FYB1: variants seen among roughly 807,000 people sequenced by gnomAD.
The protein encoded by FYB1 is FYN binding protein 1, also known as FYN-binding protein 1.
FYB1 carries 41 observed loss-of-function variants against 94.1 expected under a neutral mutation model. The observed-to-expected ratio is 0.44, with a 90% CI of 0.34 to 0.57. The LOEUF is 0.57. Ranked by LOEUF, FYB1 falls within the 20% of genes least tolerant of loss-of-function variation. The pLI is 0.02. For missense variants in FYB1, 1,050 were observed against 976.8 expected, an observed-to-expected ratio of 1.07 and a Z score of -1.00; for synonymous variants, 367 against 353.2, an observed-to-expected ratio of 1.04 and a Z score of -0.44.
At chr5:39,263,503 A>C (rs1442591393) in intron 1 of FYB1, among the ~76,000 whole-genome samples, 3 of 151,972 alleles carry the variant, frequency 2.0e-5, no homozygotes, top group Admixed American at 1.3e-4. Context: ...TTAGCCTATC[A>C]CTCAGGACTA....
chr5:39,246,624 G>C (rs1287419826), intron 1 of FYB1, among the ~76,000 whole-genome samples: 1 of 152,170 alleles, frequency 6.6e-6, no homozygotes, highest in Non-Finnish European at 1.5e-5. Flanking sequence ...AGTTCTGAGA[G>C]TTGAAAGTGA....
intron 14 of FYB1, among the ~76,000 whole-genome samples, chr5:39,121,755 T>G (rs1740129456): frequency 6.6e-6 from 1 of 152,158 alleles, no homozygotes; most frequent in South Asian, 2.1e-4. Context: ...TTATACAATT[T>G]TAGCCTAAAA....
At chr5:39,138,961 C>G (rs1289430046) in intron 5 of FYB1, 1 of 542,010 alleles carries the variant, frequency 1.8e-6, no homozygotes, top group Admixed American at 3.5e-5. Flanking sequence ...ACTGGGAAAG[C>G]AAAAACAAAA....
upstream of FYB1, among the ~76,000 whole-genome samples, chr5:39,224,386 C>T (rs757095987): frequency 6.2e-4 from 95 of 152,254 alleles, no homozygotes; most frequent in Admixed American, 2.6e-3. Flanking sequence ...TCTGCTTGCT[C>T]ACCCAGGGAG....
chr5:39,164,146 A>G (rs1744507006), intron 2 of FYB1, among the ~76,000 whole-genome samples: 1 of 151,132 alleles, frequency 6.6e-6, no homozygotes. Context: ...GGAGAAATAA[A>G]GCATGTGCTC....
chr5:39,157,537 A>G (rs1743864437), intron 2 of FYB1, among the ~76,000 whole-genome samples: 1 of 152,234 alleles, frequency 6.6e-6, no homozygotes, highest in Admixed American at 6.5e-5. Flanking sequence ...GTTGGAAAAA[A>G]AAGCTCTCAA....
Position 39,202,387 on chromosome 5 carries a change from G to A in FYB1, c.574C>T (p.Leu192Phe), listed in dbSNP as rs1748427297. Residue 192 changes from leucine (L) to phenylalanine (F), a missense_variant, in exon 2 of 19, where the codon CTC (leucine) becomes TTC (phenylalanine). Physicochemically the swap from Leu to Phe is conservative, Grantham distance 22. Coordinates refer to ENST00000512982, the MANE Select transcript of FYB1 (RefSeq NM_001465.6). ...SASQDLEPKP[L>F]FPKPAFGQKP... The stretch of plus-strand genomic sequence containing the variant: ...TGGCCAAAGGCGGGTTTGGGGAAGA[G>A]GGGCTTGGGTTCAAGATCTTGTGAT... The A allele has an allele frequency of 1.9e-6, 3 of 1,613,982 alleles. No homozygotes were observed. The highest frequency in any genetic ancestry group is 2.5e-6 in the Non-Finnish European group (3 of 1,179,896).
chr5:39,273,205 GA>G (rs1183690724), intron 1 of FYB1, among the ~76,000 whole-genome samples: 3 of 152,348 alleles, frequency 2.0e-5, no homozygotes, highest in African/African-American at 7.2e-5. Context: ...TAGAAAAGGG[GA>G]AAAGGTGGGG....
chr5:39,124,373 G>A, intron 12 of FYB1, 95 bp from the exon 13 acceptor site: 2 of 687,506 alleles, frequency 2.9e-6, no homozygotes, highest in Non-Finnish European at 2.3e-6. Flanking sequence ...CAATAGCCTA[G>A]AGGCATATTG....
In FYB1 at chr5:39,105,857, C is replaced by G. The variant is rs3805575; in HGVS notation, c.*1586G>C. ...TCTTTGGAGATTAGTGGCATCTAAT[C>G]TTGGGGCCTCAGACACCCAAAATCT... is the stretch of plus-strand genomic sequence containing the variant. On this transcript the variant is annotated 3_prime_UTR_variant, in exon 19 of 19. Transcript: ENST00000512982. The G allele has an allele frequency of 6.6e-6, 1 of 152,080 alleles. No individual in the cohort carries two copies. Among genetic ancestry groups the G allele is most frequent in the Non-Finnish European group, 1.5e-5 (1 of 68,004 alleles). The allele number at this position is 152,080 out of a possible 1,614,324, so 9.4% of individuals were successfully genotyped here. A position where few individuals can be genotyped will look rare whatever the true frequency, so the allele number is the denominator to read the frequency against.
At position 39,110,398 on chromosome 5, in the gene FYB1, G is replaced by T. The variant is rs755218321; in HGVS notation, c.2402-9C>A. 1 of 1,578,628 alleles carries T rather than the reference G, an allele frequency of 6.3e-7. No individual in the cohort carries two copies. Among genetic ancestry groups the T allele is most frequent in the Non-Finnish European group, 8.6e-7 (1 of 1,156,376 alleles). On this transcript the variant is annotated splice_polypyrimidine_tract_variant and intron_variant, in intron 16 of 18. Coordinates refer to ENST00000512982, the MANE Select transcript of FYB1 (RefSeq NM_001465.6). ...CCGAAGGACATAACCATCTACGAAG[G>T]AAAAAGGAAATAAATTGTATCAATA...
intron 5 of FYB1, 187 bp downstream of exon 5, chr5:39,139,046 T>C: frequency 1.6e-6 from 1 of 614,992 alleles, no homozygotes; most frequent in Non-Finnish European, 2.7e-6. Context: ...AGCATTATAA[T>C]GAGTCAGTGT....
intron 3 of FYB1, among the ~76,000 whole-genome samples, chr5:39,142,135 G>A (rs1213831169): frequency 6.6e-6 from 1 of 152,046 alleles, no homozygotes; most frequent in African/African-American, 2.4e-5. Context: ...ACTGACTCTG[G>A]ACATTACAAA....
chr5:39,224,930 GA>G (rs1750409519), intron 1 of FYB1, among the ~76,000 whole-genome samples: 1 of 152,132 alleles, frequency 6.6e-6, no homozygotes, highest in Non-Finnish European at 1.5e-5. Flanking sequence ...TAAAATTCTA[GA>G]AATGCATTTA....
intron 1 of FYB1, among the ~76,000 whole-genome samples, chr5:39,232,726 A>G (rs1167598544): frequency 9.3e-6 from 1 of 107,904 alleles, no homozygotes; most frequent in Non-Finnish European, 1.9e-5. Flanking sequence ...CCTCCCCCCA[A>G]CCCACAACAG....
chr5:39,264,598 T>C (rs1752351192), intron 1 of FYB1, among the ~76,000 whole-genome samples: 1 of 152,170 alleles, frequency 6.6e-6, no homozygotes. Context: ...CTCTCCTGCC[T>C]CACCTCTTTT....
chr5:39,186,638 CTTTT>C (rs56144868), intron 2 of FYB1, among the ~76,000 whole-genome samples: 141 of 76,372 alleles, frequency 1.8e-3, no homozygotes, highest in African/African-American at 6.2e-3. Flanking sequence ...CAATTGGATG[CTTTT>C]TTTTTTTTTT....
intron 1 of FYB1, among the ~76,000 whole-genome samples, chr5:39,237,847 A>T (rs1467278755): frequency 6.6e-6 from 1 of 152,068 alleles, no homozygotes; most frequent in Non-Finnish European, 1.5e-5. Flanking sequence ...GAAATCAGTC[A>T]ATTGTATTTG....
chr5:39,272,620 C>A lies in FYB1; in HGVS notation c.-28+1783G>T, dbSNP rs189621960. Among the ~76,000 whole-genome samples the A allele has an allele frequency of 3.5e-3, 502 of 145,432 alleles. 4 individuals carry two copies. Among genetic ancestry groups the A allele is most frequent in the African/African-American group, 0.011 (432 of 38,872 alleles). ...CCGGGAGGCGGAGCTTGCAGTGAGCCGAGATTGCGCCACTGCACTCCAGTT... is the reference window on the plus strand; with the variant it reads ...CCGGGAGGCGGAGCTTGCAGTGAGCAGAGATTGCGCCACTGCACTCCAGTT... On this transcript the variant is annotated intron_variant, in intron 1 of 1. Coordinates refer to the FYB1 transcript ENST00000510188.
Sources: allele counts gnomAD v4.1 joint callset (sites outside exome capture counted in the v4.1 genomes callset), GRCh38; gene constraint gnomAD v4.1.1; transcripts MANE v1.5; gene names NCBI Gene and HGNC (gene_info 2026-07-23, HGNC 2026-07-21).